BCL9: variants seen among roughly 807,000 people sequenced by gnomAD.
BCL9 encodes the protein B-cell CLL/lymphoma 9 protein.
In BCL9, 25 loss-of-function variants were observed where a neutral mutation model predicts 88.5. The observed-to-expected ratio is 0.28, with a 90% confidence interval of 0.21 to 0.39. The LOEUF is 0.39. BCL9 is among the 10% of genes least tolerant of loss of function. BCL9 has a pLI of 1.00. For synonymous variants in BCL9, 711 were observed against 673.3 expected (o/e 1.06, Z -0.87); for missense variants, 1,817 against 1,877.8 (o/e 0.97, Z 0.60).
intron 1 of BCL9, among the ~76,000 whole-genome samples, chr1:147,569,340 T>A (rs1655759449): frequency 6.6e-6 from 1 of 151,792 alleles, no homozygotes; most frequent in Non-Finnish European, 1.5e-5. Flanking sequence ...ATAAGAAATT[T>A]AAACTTGCCT....
intron 1 of BCL9, among the ~76,000 whole-genome samples, chr1:147,565,298 A>AAG (rs1347387970): frequency 7.2e-5 from 11 of 152,150 alleles, no homozygotes; most frequent in African/African-American, 2.2e-4. Flanking sequence ...AGCCCATGCA[A>AAG]CTCTTCAATG....
chr1:147,623,262 CA>C (rs3216013), intron 9 of BCL9, among the ~76,000 whole-genome samples: 107,802 of 151,974 alleles, frequency 0.71, 38,562 homozygotes, highest in African/African-American at 0.82. Flanking sequence ...GTGGTAATTC[CA>C]ACAGAGACAC....
intron 1 of BCL9, among the ~76,000 whole-genome samples, chr1:147,585,422 T>G (rs614502): frequency 0.12 from 17,741 of 151,922 alleles, 1,824 homozygotes; most frequent in East Asian, 0.3. Flanking sequence ...ATTGTGGGGA[T>G]TGCCTGTAGT....
chr1:147,608,140 G>A (rs1046685577), intron 3 of BCL9, among the ~76,000 whole-genome samples: 3 of 152,178 alleles, frequency 2.0e-5, no homozygotes, highest in African/African-American at 7.2e-5. Flanking sequence ...GATGGAGTAA[G>A]ATGAGATTAG....
chr1:147,555,484 C>A (rs1473785905), intron 1 of BCL9, among the ~76,000 whole-genome samples: 1 of 152,184 alleles, frequency 6.6e-6, no homozygotes, highest in Non-Finnish European at 1.5e-5. Context: ...GACCCTTATA[C>A]CCAATTCAAT....
intron 6 of BCL9, 82 bp downstream of exon 6, chr1:147,614,698 T>C: frequency 1.5e-6 from 2 of 1,376,824 alleles, no homozygotes; most frequent in Non-Finnish European, 2.0e-6. Flanking sequence ...ATTGATCTTT[T>C]ATTATCACCT....
chr1:147,569,055 G>T (rs1333783557), intron 1 of BCL9, among the ~76,000 whole-genome samples: 2 of 151,696 alleles, frequency 1.3e-5, no homozygotes, highest in African/African-American at 2.4e-5. Flanking sequence ...GAGGAAGAAG[G>T]ATCTAACCAA....
intron 3 of BCL9, among the ~76,000 whole-genome samples, chr1:147,607,568 A>G (rs369748078): frequency 1.3e-5 from 2 of 152,372 alleles, no homozygotes; most frequent in East Asian, 1.9e-4. Flanking sequence ...AGAAAATTTT[A>G]TGTAGATTGA....
chr1:147,615,782 C>T (rs782319748), intron 6 of BCL9, 21 bp from the exon 7 acceptor site: 9 of 1,595,020 alleles, frequency 5.6e-6, no homozygotes, highest in Non-Finnish European at 7.7e-6. Context: ...CTAGTGTGTG[C>T]TGTCTCTTCC....
chr1:147,619,868 T>C lies in BCL9; in HGVS notation c.1713T>C (p.Ser571=). The C allele has an allele frequency of 6.2e-7, 1 of 1,614,152 alleles. No individual in the cohort carries two copies. The highest frequency in any genetic ancestry group is 8.5e-7 in the Non-Finnish European group (1 of 1,180,018). ...CTGGATTTGCAGGCATGATAAACTCTGAAATGGAAGGGCCGAATGTCCCCA... is the reference window on the plus strand; with the variant it reads ...CTGGATTTGCAGGCATGATAAACTCCGAAATGGAAGGGCCGAATGTCCCCA... ...RLPGFAGMIN[S]EMEGPNVPNP... is the part of the protein sequence containing the mutation. The change falls in exon 8 of 10, where the codon TCT becomes TCC. Residue 571 remains serine (S), a synonymous_variant. Transcript: ENST00000234739. The surrounding 1 kb of genome is among the most constrained non-coding windows in gnomAD (Gnocchi z 4.1).
intron 1 of BCL9, among the ~76,000 whole-genome samples, chr1:147,580,012 T>G (rs903964747): frequency 2.0e-4 from 31 of 152,234 alleles, no homozygotes; most frequent in Admixed American, 1.0e-3. Context: ...CTGGAAACTC[T>G]GATGTTCTCA....
At chr1:147,550,355 G>C (rs1419447460) in intron 1 of BCL9, among the ~76,000 whole-genome samples, 6 of 152,084 alleles carry the variant, frequency 3.9e-5, no homozygotes, top group African/African-American at 1.2e-4. Flanking sequence ...CATTATGGAA[G>C]TCTAGGAAAT....
chr1:147,543,123 AT>A (rs1241012335), intron 1 of BCL9, among the ~76,000 whole-genome samples: 1 of 151,884 alleles, frequency 6.6e-6, no homozygotes, highest in South Asian at 2.1e-4. Flanking sequence ...CATCTTAACA[AT>A]TTTTTTTGAG....
intron 2 of BCL9, among the ~76,000 whole-genome samples, chr1:147,605,322 TC>T (rs34430512): frequency 6.6e-6 from 1 of 152,110 alleles, no homozygotes; most frequent in Non-Finnish European, 1.5e-5. Context: ...CTCAGAGAGT[TC>T]CGTGTCTACA....
intron 1 of BCL9, among the ~76,000 whole-genome samples, chr1:147,587,784 G>A (rs1389967892): frequency 6.7e-6 from 1 of 150,284 alleles, no homozygotes; most frequent in African/African-American, 2.5e-5. Context: ...GTGTGTGTGT[G>A]TGTGTGTGTG....
chr1:147,595,849 T>C (rs1657024586), intron 1 of BCL9, among the ~76,000 whole-genome samples: 1 of 152,180 alleles, frequency 6.6e-6, no homozygotes, highest in African/African-American at 2.4e-5. Flanking sequence ...TAAGGCATGA[T>C]GGACAATGGT....
At position 147,625,215 on chromosome 1, in the gene BCL9, GGC is replaced by G. The variant is rs1187048137; in HGVS notation, c.*257_*258del. 1 of 426,798 alleles carries G rather than the reference GGC, an allele frequency of 2.3e-6. No individual in the cohort carries two copies. Among genetic ancestry groups the G allele is most frequent in the Non-Finnish European group, 4.2e-6 (1 of 240,482 alleles). 26.4% of individuals were successfully genotyped at this position (426,798 alleles called of 1,614,324 possible). A position where few individuals can be genotyped will look rare whatever the true frequency, so the allele number is the denominator to read the frequency against. On this transcript the variant is annotated 3_prime_UTR_variant, in exon 10 of 10. Transcript: ENST00000234739. The stretch of plus-strand genomic sequence containing the variant: ...TTTTGTGGACTTGGGTATCAATGAT[GGC>G]ACCTACTTTTGGGAATCTGTAGCTG...
At chr1:147,611,400 GTGTGGCCCC>G (rs1657993486) in intron 3 of BCL9, among the ~76,000 whole-genome samples, 169 bp from the exon 4 acceptor site, 1 of 152,152 alleles carries the variant, frequency 6.6e-6, no homozygotes, top group African/African-American at 2.4e-5. Context: ...CCTCCAGCTG[GTGTGGCCCC>G]TGAGCCTTTG....
rs1170152599 is a variant in BCL9, at chr1:147,622,410, C to G, written c.3042C>G (p.Ser1014=). The change falls in exon 9 of 10, where the codon TCC becomes TCG. Residue 1014 remains serine (S), a synonymous_variant. Coordinates refer to ENST00000234739, the MANE Select transcript of BCL9 (RefSeq NM_004326.4). Reference sequence around the variant, plus strand: ...TCTCTATTATGATGTCTCGAATGTCCAAGTTTGCAATGCCCAGTTCCACCC... The same window carrying G: ...TCTCTATTATGATGTCTCGAATGTCGAAGTTTGCAATGCCCAGTTCCACCC... ...NPLSIMMSRM[S]KFAMPSSTPL... The G allele has an allele frequency of 1.2e-6, 2 of 1,614,016 alleles. No individual in the cohort carries two copies. Among genetic ancestry groups the G allele is most frequent in the South Asian group, 1.1e-5 (1 of 91,088 alleles).
Sources: gnomAD v4.1 joint callset for allele counts (sites outside exome capture counted in the v4.1 genomes callset) on GRCh38, gnomAD v4.1.1 for gene constraint, Gnocchi (gnomAD v3.1) non-coding constraint, MANE v1.5 for transcripts, NCBI Gene and HGNC (gene_info 2026-07-23, HGNC 2026-07-21) for gene names.